Variants in BBS12 observed in about 807,000 individuals in gnomAD.
The protein encoded by BBS12 is chaperonin-containing T-complex member BBS12.
A neutral mutation model predicts 5.6 loss-of-function variants in BBS12; 5 were observed. The ratio of observed to expected loss-of-function variants is 0.89; its 90% CI spans 0.46 to 1.86. BBS12 has a LOEUF of 1.86. Ranked by LOEUF, BBS12 falls within the 40% of genes most tolerant of loss-of-function variation. The pLI, the probability that BBS12 is intolerant of heterozygous loss-of-function variation, is 0.01. For synonymous variants in BBS12, 308 were observed against 306.8 expected (o/e 1.00, Z -0.04); for missense variants, 748 against 830.4 (o/e 0.90, Z 1.22).
At chr4:122,709,075 G>GTA in the BBS12 span, among the ~76,000 whole-genome samples, 214 of 151,650 alleles carry the variant, frequency 1.4e-3, no homozygotes, top group Admixed American at 3.2e-3. Flanking sequence ...GTGTGTGTGT[G>GTA]TATATATATA....
chr4:122,711,157 GGGCAAATAAAACTTCTCT>G, the BBS12 span, among the ~76,000 whole-genome samples: 1 of 151,976 alleles, frequency 6.6e-6, no homozygotes, highest in African/African-American at 2.4e-5. Context: ...AGCACCTCAG[GGGCAAATAAAACTTCTCT>G]GTGTAGGCAT....
At position 122,742,234 on chromosome 4, in the gene BBS12, A is replaced by C; in HGVS notation, c.342A>C (p.Ser114=). The part of the protein sequence containing the change: ...HLGVPISIIV[S]VMSEGLNFCS... ...GTGTCCCCATTTCCATAATAGTATCAGTAATGTCAGAAGGCTTAAACTTTT... is the reference window on the plus strand; with the variant it reads ...GTGTCCCCATTTCCATAATAGTATCCGTAATGTCAGAAGGCTTAAACTTTT... Residue 114 remains serine, a synonymous_variant, in exon 2 of 2, where the codon TCA becomes TCC. Transcript: ENST00000314218. 6.2e-7 allele frequency: 1 copy of C among 1,613,948 alleles called. No homozygotes were observed. The highest frequency in any genetic ancestry group is 8.5e-7 in the Non-Finnish European group (1 of 1,180,032).
At chr4:122,703,566 A>G in the BBS12 span, among the ~76,000 whole-genome samples, 4 of 152,086 alleles carry the variant, frequency 2.6e-5, no homozygotes, top group African/African-American at 9.7e-5. Context: ...TTAAAAATAG[A>G]CTTCCCCAAT....
At chr4:122,732,339 G>C (rs1800707808), upstream of BBS12, 1 of 152,312 alleles carries the variant, frequency 6.6e-6, no homozygotes. Flanking sequence ...GAGTGCAGTT[G>C]CTGCCAGGGG....
chr4:122,736,519 C>A (rs1319690175), intron 1 of BBS12, among the ~76,000 whole-genome samples: 1 of 151,616 alleles, frequency 6.6e-6, no homozygotes, highest in African/African-American at 2.4e-5. Context: ...AAAAAAAAAA[C>A]TTATTCTGAT....
At chr4:122,727,965 G>A (rs1011081153), upstream of BBS12, among the ~76,000 whole-genome samples, 1 of 152,176 alleles carries the variant, frequency 6.6e-6, no homozygotes. Flanking sequence ...CCTCTCATAA[G>A]AGAAATGAGC....
At chr4:122,729,131 GA>G, upstream of BBS12, 1 of 152,964 alleles carries the variant, frequency 6.5e-6, no homozygotes, top group Non-Finnish European at 1.5e-5. Context: ...CTCTTGTGCT[GA>G]AGGACCCCCA....
At chr4:122,715,777 A>G in the BBS12 span, among the ~76,000 whole-genome samples, 1 of 152,220 alleles carries the variant, frequency 6.6e-6, no homozygotes, top group African/African-American at 2.4e-5. Context: ...AATACAGTGC[A>G]CCTATTTTTT....
At chr4:122,723,087 A>G in the BBS12 span, among the ~76,000 whole-genome samples, 3 of 152,316 alleles carry the variant, frequency 2.0e-5, no homozygotes, top group East Asian at 5.8e-4. Flanking sequence ...AAATTATTAC[A>G]TGATTCTTTA....
chr4:122,706,434 C>T, the BBS12 span, among the ~76,000 whole-genome samples: 2 of 152,142 alleles, frequency 1.3e-5, no homozygotes, highest in African/African-American at 4.8e-5. Flanking sequence ...GATGCAGCAT[C>T]AGTTTGAATG....
upstream of BBS12, chr4:122,729,895 C>A (rs1281087977): frequency 6.6e-6 from 1 of 152,050 alleles, no homozygotes; most frequent in Admixed American, 6.5e-5. Context: ...TGCATTGAGC[C>A]GAGATCGCAC....
chr4:122,702,664 C>T, the BBS12 span, among the ~76,000 whole-genome samples: 1 of 152,208 alleles, frequency 6.6e-6, no homozygotes, highest in African/African-American at 2.4e-5. Context: ...AAGGAATCTT[C>T]ACCCAAATAA....
chr4:122,734,255 G>T (rs550053878), intron 1 of BBS12, among the ~76,000 whole-genome samples: 1 of 151,856 alleles, frequency 6.6e-6, no homozygotes, highest in Non-Finnish European at 1.5e-5. Context: ...CTCTTGATCA[G>T]TTTCAAGGTC....
chr4:122,734,763 T>G (rs1174863986), intron 1 of BBS12, among the ~76,000 whole-genome samples: 1 of 152,240 alleles, frequency 6.6e-6, no homozygotes, highest in Non-Finnish European at 1.5e-5. Context: ...TTGGAATATT[T>G]ACTGCTAGTT....
chr4:122,731,080 T>C (rs1415522021), upstream of BBS12: 1 of 152,218 alleles, frequency 6.6e-6, no homozygotes, highest in African/African-American at 2.4e-5. Flanking sequence ...TATTTATTGG[T>C]CTTTTAACAA....
At chr4:122,741,662 C>G (rs1031746239) in intron 1 of BBS12, among the ~76,000 whole-genome samples, 6 of 152,136 alleles carry the variant, frequency 3.9e-5, no homozygotes, top group Non-Finnish European at 5.9e-5. Context: ...TTGCCTACAG[C>G]CCTCATGCTT....
the BBS12 span, among the ~76,000 whole-genome samples, chr4:122,703,361 G>A: frequency 1.3e-5 from 2 of 152,116 alleles, no homozygotes; most frequent in Admixed American, 6.5e-5. Flanking sequence ...GAGGTATATC[G>A]CCAGCACTTC....
the BBS12 span, among the ~76,000 whole-genome samples, chr4:122,724,195 T>C: frequency 2.0e-5 from 3 of 152,186 alleles, no homozygotes; most frequent in Non-Finnish European, 4.4e-5. Flanking sequence ...GCTTCACTTG[T>C]TCCTCTGCTT....
chr4:122,724,538 T>C, the BBS12 span, among the ~76,000 whole-genome samples: 1 of 152,240 alleles, frequency 6.6e-6, no homozygotes, highest in South Asian at 2.1e-4. Context: ...TATCTGCCTT[T>C]ACCTGACTGT....
Sources: allele counts gnomAD v4.1 joint callset (sites outside exome capture counted in the v4.1 genomes callset), GRCh38; gene constraint gnomAD v4.1.1; transcripts MANE v1.5; gene names NCBI Gene and HGNC (gene_info 2026-07-23, HGNC 2026-07-21).